The following ARHGAP6 variants were observed in gnomAD, a reference collection of about 807,000 sequenced individuals.
The protein encoded by ARHGAP6 is Rho GTPase activating protein 6.
In ARHGAP6, 16 loss-of-function variants were observed where a neutral mutation model predicts 55.7. That is an observed-to-expected ratio of 0.29 (90% CI 0.19 to 0.44). The LOEUF is 0.44. ARHGAP6 is among the 20% of genes least tolerant of loss of function. The pLI is 1.00. For synonymous variants in ARHGAP6, 382 were observed against 360.9 expected (o/e 1.06, Z -0.66); for missense variants, 698 against 808.9 (o/e 0.86, Z 1.66).
At position 11,586,981 on chromosome X, in the gene ARHGAP6, G is replaced by A. The variant is rs186553410; in HGVS notation, c.588+77260C>T. ...TGATTTGGCTCTTGACTTGACGGTT[G>A]TTGGTGTATAGGAATGCTAGTGATT... On this transcript the variant is annotated intron_variant, in intron 1 of 12. Transcript: ENST00000337414. Among the ~76,000 whole-genome samples the A allele has an allele frequency of 3.9e-3, 441 of 111,834 alleles. 1 individual carries two copies. The highest frequency in any genetic ancestry group is 0.011 in the South Asian group (29 of 2,664).
chrX:11,248,175 T>C (rs1413171037), intron 2 of ARHGAP6, among the ~76,000 whole-genome samples: 3 of 111,533 alleles, frequency 2.7e-5, no homozygotes, highest in Non-Finnish European at 3.8e-5. Context: ...CCTGGGTCCC[T>C]GAATAACGGC....
chrX:11,664,457 A>C lies in ARHGAP6; in HGVS notation c.372T>G (p.Val124=), dbSNP rs771553868. The C allele has an allele frequency of 8.3e-7, 1 of 1,211,189 alleles. No individual in the cohort carries two copies. The highest frequency in any genetic ancestry group is 2.2e-5 in the Admixed American group (1 of 46,087). The change falls in exon 1 of 13, where the codon GTT becomes GTG. Residue 124 remains valine, a synonymous_variant. Coordinates refer to ENST00000337414, the MANE Select transcript of ARHGAP6 (RefSeq NM_013427.3). The stretch of plus-strand genomic sequence containing the variant: ...TCTTGAGGCCGCCGCGACCCAGGGG[A>C]ACCTCATAGTCAAAGTGAAAGCTGC... ...PSGSFHFDYE[V]PLGRGGLKKS...
intron 1 of ARHGAP6, among the ~76,000 whole-genome samples, chrX:11,468,643 C>G (rs994699266): frequency 2.0e-4 from 22 of 112,686 alleles, no homozygotes; most frequent in Non-Finnish European, 3.6e-4. Context: ...AGCAGAAGTA[C>G]TTAAAATATC....
intron 1 of ARHGAP6, among the ~76,000 whole-genome samples, chrX:11,503,805 C>T (rs12008618): frequency 0.12 from 12,843 of 110,667 alleles, 750 homozygotes; most frequent in African/African-American, 0.21. Flanking sequence ...TGTCTGCTAC[C>T]GTTTTAGTAG....
intron 1 of ARHGAP6, among the ~76,000 whole-genome samples, chrX:11,324,907 G>A (rs2048480263): frequency 8.9e-6 from 1 of 112,336 alleles, no homozygotes; most frequent in African/African-American, 3.2e-5. Flanking sequence ...GCCGGACTGC[G>A]GACTGCAGTG....
chrX:11,273,702 C>A (rs1370378208), intron 1 of ARHGAP6, among the ~76,000 whole-genome samples: 1 of 110,133 alleles, frequency 9.1e-6, no homozygotes, highest in East Asian at 2.9e-4. Flanking sequence ...CCATTAGCAA[C>A]ATAAAAATTT....
Position 11,138,853 on chromosome X carries a change from G to A in ARHGAP6, c.*10C>T. The A allele has an allele frequency of 8.5e-7, 1 of 1,173,926 alleles. No homozygotes were observed. The highest frequency in any genetic ancestry group is 1.9e-5 in the South Asian group (1 of 53,855). On this transcript the variant is annotated 3_prime_UTR_variant, in exon 13 of 13. Transcript: ENST00000337414. ...GGCTCGGGGCAGGGGGGGCTCGGCT[G>A]GGTGCGGGCTCAGACCAGCGTCTCG... is the stretch of plus-strand genomic sequence containing the variant.
intron 1 of ARHGAP6, among the ~76,000 whole-genome samples, chrX:11,424,448 C>T (rs2049857961): frequency 1.8e-5 from 2 of 112,312 alleles, no homozygotes; most frequent in South Asian, 3.7e-4. Context: ...AGAAATGCTG[C>T]CAGAAAATCA....
intron 1 of ARHGAP6, among the ~76,000 whole-genome samples, chrX:11,309,774 A>T (rs758939115): frequency 9.0e-6 from 1 of 111,448 alleles, no homozygotes; most frequent in Non-Finnish European, 1.9e-5. Context: ...TAAGAAAAAA[A>T]ATCTGAATAA....
chrX:11,167,645 A>G (rs2046034412), intron 9 of ARHGAP6, among the ~76,000 whole-genome samples: 1 of 110,935 alleles, frequency 9.0e-6, no homozygotes, highest in Non-Finnish European at 1.9e-5. Context: ...CTGAGTTGAA[A>G]AGAAATGCTC....
At chrX:11,527,872 G>T (rs2051006953) in intron 1 of ARHGAP6, among the ~76,000 whole-genome samples, 5 of 112,270 alleles carry the variant, frequency 4.5e-5, no homozygotes, top group African/African-American at 1.6e-4. Flanking sequence ...TTGCATTATG[G>T]TCTTTTCAAA....
At chrX:11,489,349 G>A (rs2050542406) in intron 1 of ARHGAP6, among the ~76,000 whole-genome samples, 1 of 111,786 alleles carries the variant, frequency 8.9e-6, no homozygotes, top group African/African-American at 3.3e-5. Flanking sequence ...ATAGCAGAAG[G>A]AAAAGAAGGT....
intron 1 of ARHGAP6, among the ~76,000 whole-genome samples, chrX:11,419,956 A>G (rs2049799034): frequency 8.9e-6 from 1 of 112,418 alleles, no homozygotes; most frequent in Admixed American, 9.4e-5. Flanking sequence ...TTTTACTATA[A>G]GATTTTTTTT....
chrX:11,171,397 C>CAAA (rs200156085), intron 8 of ARHGAP6, among the ~76,000 whole-genome samples: 7 of 97,177 alleles, frequency 7.2e-5, no homozygotes, highest in South Asian at 4.7e-4. Context: ...CTTTCCACTA[C>CAAA]AAAAAAAAAA....
chrX:11,144,419 G>C (rs1443286437), intron 10 of ARHGAP6, among the ~76,000 whole-genome samples, 171 bp from the exon 11 acceptor site: 2 of 112,251 alleles, frequency 1.8e-5, no homozygotes, highest in Non-Finnish European at 3.8e-5. Flanking sequence ...ACGTGAAAGG[G>C]TTTCAACGAT....
chrX:11,174,568 TCC>T (rs758339205), intron 8 of ARHGAP6, among the ~76,000 whole-genome samples: 4,599 of 73,008 alleles, frequency 0.063, 143 homozygotes, highest in African/African-American at 0.088. Context: ...CTTCCTTCCT[TCC>T]TTCCTTTCTT....
At chrX:11,230,610 A>AGTGT (rs3030687) in intron 2 of ARHGAP6, among the ~76,000 whole-genome samples, 2,521 of 98,126 alleles carry the variant, frequency 0.026, 30 homozygotes, top group Admixed American at 0.056. Context: ...AGTTATTAGG[A>AGTGT]GTGTGTGTGT....
At chrX:11,601,008 G>T (rs943250593) in intron 1 of ARHGAP6, among the ~76,000 whole-genome samples, 4 of 112,191 alleles carry the variant, frequency 3.6e-5, no homozygotes, top group Admixed American at 1.9e-4. Context: ...CCTGTACTGT[G>T]CAGAGGCTAG....
intron 6 of ARHGAP6, among the ~76,000 whole-genome samples, chrX:11,181,511 T>G (rs1310364984): frequency 8.9e-6 from 1 of 112,347 alleles, no homozygotes; most frequent in East Asian, 2.8e-4. Context: ...GAACCTATTG[T>G]TGAAGGTCTA....
Sources: allele counts gnomAD v4.1 joint callset (sites outside exome capture counted in the v4.1 genomes callset), GRCh38; gene constraint gnomAD v4.1.1; transcripts MANE v1.5; gene names NCBI Gene and HGNC (gene_info 2026-07-23, HGNC 2026-07-21).